Variants in RSRC1 observed in about 807,000 individuals in gnomAD.
The protein encoded by RSRC1 is arginine and serine rich coiled-coil 1.
A neutral mutation model predicts 49.1 loss-of-function variants in RSRC1; 39 were observed. The observed-to-expected ratio is 0.79, with a 90% CI of 0.61 to 1.04. RSRC1 has a LOEUF of 1.04. Among genes scored for constraint, RSRC1 ranks in the 50% least tolerant of loss-of-function variants. RSRC1 has a pLI of 0.00. For missense variants in RSRC1, 388 were observed against 402.4 expected (o/e 0.96, Z 0.31); for synonymous variants, 143 against 130.8 (o/e 1.09, Z -0.63).
intron 3 of RSRC1, among the ~76,000 whole-genome samples, chr3:158,136,109 T>C (rs1716354690): frequency 2.0e-5 from 3 of 152,158 alleles, no homozygotes; most frequent in Admixed American, 1.3e-4. Flanking sequence ...AGAAACTAAT[T>C]TGAAATTATA....
chr3:158,391,263 T>G (rs986917235), intron 6 of RSRC1, among the ~76,000 whole-genome samples: 6 of 152,198 alleles, frequency 3.9e-5, no homozygotes, highest in African/African-American at 1.4e-4. Context: ...ATCTATCTTT[T>G]TGGTAGTTTG....
chr3:158,264,323 A>G (rs771268965), intron 4 of RSRC1, among the ~76,000 whole-genome samples: 41 of 152,172 alleles, frequency 2.7e-4, no homozygotes, highest in Non-Finnish European at 8.8e-5. Flanking sequence ...ATTTTGGAAG[A>G]GTTTCTAGAT....
At chr3:158,526,508 A>C (rs766777071) in intron 7 of RSRC1, among the ~76,000 whole-genome samples, 12 of 152,012 alleles carry the variant, frequency 7.9e-5, no homozygotes, top group Non-Finnish European at 1.2e-4. Flanking sequence ...GTCAGATCTT[A>C]ACTGCTTGCA....
chr3:158,145,748 T>C (rs1237406495), intron 3 of RSRC1, among the ~76,000 whole-genome samples: 1 of 152,384 alleles, frequency 6.6e-6, no homozygotes, highest in Non-Finnish European at 1.5e-5. Flanking sequence ...ACGATATTGC[T>C]TCTTCCTATC....
At chr3:158,436,661 TATATC>T (rs1736058126) in intron 6 of RSRC1, among the ~76,000 whole-genome samples, 1 of 151,916 alleles carries the variant, frequency 6.6e-6, no homozygotes, top group Non-Finnish European at 1.5e-5. Flanking sequence ...GTGTACAAAT[TATATC>T]ATAAATAGAA....
intron 3 of RSRC1, among the ~76,000 whole-genome samples, chr3:158,166,208 A>G (rs901903418): frequency 5.3e-5 from 8 of 152,204 alleles, no homozygotes; most frequent in Admixed American, 3.9e-4. Flanking sequence ...TTAGTAATGT[A>G]GTGCTTTTAT....
At chr3:158,394,716 A>G (rs942404046) in intron 6 of RSRC1, among the ~76,000 whole-genome samples, 4 of 152,182 alleles carry the variant, frequency 2.6e-5, no homozygotes, top group African/African-American at 9.6e-5. Context: ...AGAACATTCC[A>G]TGCTCATGGA....
intron 4 of RSRC1, among the ~76,000 whole-genome samples, chr3:158,229,536 GT>G (rs1163306611): frequency 4.2e-4 from 61 of 145,080 alleles, no homozygotes; most frequent in Admixed American, 3.3e-3. Context: ...GTGTGTGTGT[GT>G]TTTTTGTTTT....
intron 7 of RSRC1, among the ~76,000 whole-genome samples, chr3:158,509,284 A>G (rs1740028138): frequency 6.6e-6 from 1 of 152,208 alleles, no homozygotes; most frequent in Non-Finnish European, 1.5e-5. Flanking sequence ...TAAGTATGAC[A>G]TACATTCAAA....
At position 158,386,204 on chromosome 3, in the gene RSRC1, T is replaced by C. The variant is rs542782211; in HGVS notation, c.583+31296T>C. Reference sequence around the variant, plus strand: ...TTTTAAAAAAGCTGTTTTTTGTCTTTTAACTTTGTGGACATCATCTTTCCC... The same window carrying C: ...TTTTAAAAAAGCTGTTTTTTGTCTTCTAACTTTGTGGACATCATCTTTCCC... On this transcript the variant is annotated intron_variant, in intron 6 of 9. Transcript: ENST00000611884. 2.6e-5 allele frequency among the ~76,000 whole-genome samples: 4 copies of C among 152,206 alleles called. No homozygotes were observed. In the East Asian group the frequency reaches 7.7e-4, roughly 29 times the overall value.
intron 3 of RSRC1, among the ~76,000 whole-genome samples, chr3:158,190,240 T>C (rs1206014291): frequency 6.6e-6 from 1 of 152,072 alleles, no homozygotes; most frequent in Admixed American, 6.6e-5. Flanking sequence ...ATGGGTAGTT[T>C]ATTTCCCCAT....
chr3:158,222,903 T>G (rs781329267), intron 4 of RSRC1, among the ~76,000 whole-genome samples: 4 of 151,672 alleles, frequency 2.6e-5, no homozygotes, highest in Non-Finnish European at 5.9e-5. Context: ...CCCTTAACTT[T>G]CACTTGACCT....
intron 7 of RSRC1, among the ~76,000 whole-genome samples, chr3:158,483,031 G>C (rs532536445): frequency 6.6e-6 from 1 of 152,102 alleles, no homozygotes; most frequent in Non-Finnish European, 1.5e-5. Context: ...CTGAGCTTCA[G>C]ATTAGAGACT....
chr3:158,305,412 A>T (rs568194572), intron 5 of RSRC1, among the ~76,000 whole-genome samples: 1 of 152,092 alleles, frequency 6.6e-6, no homozygotes, highest in African/African-American at 2.4e-5. Flanking sequence ...AGTAACTCCC[A>T]CTTCTCATTA....
chr3:158,177,045 T>C (rs1460308625), intron 3 of RSRC1, among the ~76,000 whole-genome samples: 4 of 152,146 alleles, frequency 2.6e-5, no homozygotes, highest in Non-Finnish European at 5.9e-5. Flanking sequence ...GAAAAAATGC[T>C]CATCATTACT....
intron 3 of RSRC1, among the ~76,000 whole-genome samples, chr3:158,194,190 C>T (rs1559936875): frequency 6.6e-6 from 1 of 151,934 alleles, no homozygotes; most frequent in Non-Finnish European, 1.5e-5. Context: ...GGGAGGATCA[C>T]TTGAGTCAAG....
At chr3:158,216,691 C>T (rs1421941086) in intron 4 of RSRC1, among the ~76,000 whole-genome samples, 1 of 151,644 alleles carries the variant, frequency 6.6e-6, no homozygotes, top group Non-Finnish European at 1.5e-5. Context: ...TTCAAATTAT[C>T]GAATCTACCA....
At chr3:158,393,631 G>C (rs554358845) in intron 6 of RSRC1, among the ~76,000 whole-genome samples, 1 of 151,972 alleles carries the variant, frequency 6.6e-6, no homozygotes, top group East Asian at 1.9e-4. Flanking sequence ...TAGAATCTCT[G>C]AGCAGACAAG....
At chr3:158,342,187 G>A (rs1200280941) in intron 5 of RSRC1, among the ~76,000 whole-genome samples, 1 of 152,180 alleles carries the variant, frequency 6.6e-6, no homozygotes, top group Non-Finnish European at 1.5e-5. Flanking sequence ...TTGGGGTACT[G>A]TTGGGAAGGC....
Sources: gnomAD v4.1 joint callset for allele counts (sites outside exome capture counted in the v4.1 genomes callset) on GRCh38, gnomAD v4.1.1 for gene constraint, MANE v1.5 for transcripts, NCBI Gene and HGNC (gene_info 2026-07-23, HGNC 2026-07-21) for gene names.